The following RAB28 variants were observed in gnomAD, a reference collection of about 807,000 sequenced individuals.
RAB28 encodes ras-related protein Rab-28.
In RAB28, 24 loss-of-function variants were observed where a neutral mutation model predicts 31.7. The ratio of observed to expected loss-of-function variants is 0.76; its 90% CI spans 0.55 to 1.06. The LOEUF is 1.06. Ranked by LOEUF, RAB28 falls within the 50% of genes least tolerant of loss-of-function variation. RAB28 has a pLI of 0.00. For missense variants in RAB28, 254 were observed against 258.5 expected (o/e 0.98, Z 0.12); for synonymous variants, 100 against 90.4 (o/e 1.11, Z -0.60).
intron 5 of RAB28, among the ~76,000 whole-genome samples, chr4:13,379,239 T>C (rs948507893): frequency 1.7e-5 from 2 of 118,934 alleles, no homozygotes; most frequent in African/African-American, 3.2e-5. Flanking sequence ...GTCACCTAGG[T>C]GAGGGGAAGA....
chr4:13,397,359 A>G (rs952912654), intron 4 of RAB28, among the ~76,000 whole-genome samples: 3 of 152,180 alleles, frequency 2.0e-5, no homozygotes, highest in African/African-American at 7.2e-5. Context: ...TGAAGGTAGA[A>G]GGAGATGGAT....
intron 4 of RAB28, among the ~76,000 whole-genome samples, chr4:13,419,966 G>C (rs1408828557): frequency 6.6e-6 from 1 of 151,872 alleles, no homozygotes; most frequent in Non-Finnish European, 1.5e-5. Flanking sequence ...ATGAATCCAG[G>C]AGCTGGTTTT....
chr4:13,375,687 A>T (rs1186514504), intron 6 of RAB28, among the ~76,000 whole-genome samples: 1 of 152,192 alleles, frequency 6.6e-6, no homozygotes, highest in Non-Finnish European at 1.5e-5. Context: ...GCAAACTTTT[A>T]GAGTTTCAAA....
intron 3 of RAB28, among the ~76,000 whole-genome samples, chr4:13,467,953 T>G (rs1410644791): frequency 6.6e-6 from 1 of 151,806 alleles, no homozygotes; most frequent in Non-Finnish European, 1.5e-5. Flanking sequence ...AAAACATTAA[T>G]GAAAAGAAAG....
chr4:13,419,446 C>T (rs1712988894), intron 4 of RAB28, among the ~76,000 whole-genome samples: 1 of 152,184 alleles, frequency 6.6e-6, no homozygotes, highest in South Asian at 2.1e-4. Flanking sequence ...ACAGAATATA[C>T]ATTCTTCTCA....
intron 4 of RAB28, among the ~76,000 whole-genome samples, chr4:13,388,070 T>C (rs1013247135): frequency 6.6e-6 from 1 of 152,044 alleles, no homozygotes; most frequent in Non-Finnish European, 1.5e-5. Flanking sequence ...ACAAACGTGG[T>C]GTTATTCTAA....
chr4:13,422,449 C>A lies in RAB28; in HGVS notation c.391+38250G>T, dbSNP rs376725091. On this transcript the variant is annotated intron_variant, in intron 4 of 6. Coordinates refer to ENST00000330852, the MANE Select transcript of RAB28 (RefSeq NM_001017979.3). ...TGCTACTATAAAGACACATGCACAC[C>A]TATGTTTATTGCGGCACTATTCACA... is the stretch of plus-strand genomic sequence containing the variant. 2.6e-4 allele frequency among the ~76,000 whole-genome samples: 40 copies of A among 152,286 alleles called. No homozygotes were observed. The East Asian group carries it at 7.3e-3, about 28-fold the overall frequency.
At chr4:13,412,441 A>G (rs1467935989) in intron 4 of RAB28, among the ~76,000 whole-genome samples, 1 of 151,458 alleles carries the variant, frequency 6.6e-6, no homozygotes, top group African/African-American at 2.4e-5. Flanking sequence ...ATTAAAATAT[A>G]TATTCTCACA....
At chr4:13,427,681 T>C (rs183407717) in intron 4 of RAB28, among the ~76,000 whole-genome samples, 84 of 152,152 alleles carry the variant, frequency 5.5e-4, no homozygotes, top group Middle Eastern at 3.4e-3. Flanking sequence ...CTCCATGAGA[T>C]TGAGCAAATA....
chr4:13,400,751 C>T (rs1455070462), intron 4 of RAB28, among the ~76,000 whole-genome samples: 1 of 152,084 alleles, frequency 6.6e-6, no homozygotes, highest in Non-Finnish European at 1.5e-5. Flanking sequence ...TTTCTCATTC[C>T]TGATTTGCTG....
At chr4:13,381,881 T>C (rs1172601150) in intron 4 of RAB28, among the ~76,000 whole-genome samples, 1 of 152,184 alleles carries the variant, frequency 6.6e-6, no homozygotes, top group Non-Finnish European at 1.5e-5. Context: ...TCATTATTAT[T>C]ATCATCTGTA....
At chr4:13,415,682 C>T (rs1712729858) in intron 4 of RAB28, among the ~76,000 whole-genome samples, 1 of 152,188 alleles carries the variant, frequency 6.6e-6, no homozygotes, top group Non-Finnish European at 1.5e-5. Flanking sequence ...CCCTGGGCTC[C>T]TGTGTGGCCC....
At chr4:13,385,416 T>C (rs1309612456) in intron 4 of RAB28, among the ~76,000 whole-genome samples, 6 of 151,824 alleles carry the variant, frequency 4.0e-5, no homozygotes, top group East Asian at 1.9e-4. Context: ...TCCTCCAAGG[T>C]TGAAATAAAA....
In RAB28 at chr4:13,460,822, G is replaced by GGACT. The variant is rs1560141472; in HGVS notation, c.264_267dup (p.Leu90SerfsTer6). The GGACT allele has an allele frequency of 5.0e-6, 8 of 1,610,404 alleles. No individual in the cohort carries two copies. Among genetic ancestry groups the GGACT allele is most frequent in the Non-Finnish European group, 6.8e-6 (8 of 1,178,144 alleles). On this transcript the variant is annotated frameshift_variant, in exon 4 of 7. Transcript: ENST00000330852. LOFTEE classifies it high-confidence loss of function. ...TAATTTGTAATATCATATACCAAGA[G>GGACT]GACTCCCTGTCACAAAAGAGTTACA...
intron 4 of RAB28, among the ~76,000 whole-genome samples, chr4:13,413,432 T>C (rs2108911738): frequency 6.6e-6 from 1 of 152,332 alleles, no homozygotes; most frequent in East Asian, 1.9e-4. Flanking sequence ...CCAAGAATAT[T>C]TCTGCACATG....
chr4:13,377,995 T>C (rs1464836973), intron 5 of RAB28, among the ~76,000 whole-genome samples: 5 of 152,140 alleles, frequency 3.3e-5, no homozygotes, highest in Admixed American at 6.5e-5. Flanking sequence ...AAGAGCTCAG[T>C]TCTAAACATG....
At chr4:13,436,517 A>G (rs1714118822) in intron 4 of RAB28, among the ~76,000 whole-genome samples, 3 of 152,202 alleles carry the variant, frequency 2.0e-5, no homozygotes, top group Admixed American at 1.3e-4. Context: ...GTTTCAGGAT[A>G]CAAAATCAAT....
At chr4:13,470,758 A>G (rs1346273680) in intron 3 of RAB28, among the ~76,000 whole-genome samples, 1 of 152,104 alleles carries the variant, frequency 6.6e-6, no homozygotes, top group Non-Finnish European at 1.5e-5. Context: ...TTTTTAAGTT[A>G]ATTTAAAATC....
At chr4:13,447,121 G>T (rs1269708430) in intron 4 of RAB28, among the ~76,000 whole-genome samples, 14 of 151,862 alleles carry the variant, frequency 9.2e-5, no homozygotes, top group Admixed American at 9.2e-4. Context: ...TATCACTCTG[G>T]TCCATGCCAC....
Sources: gnomAD v4.1 joint callset for allele counts (sites outside exome capture counted in the v4.1 genomes callset) on GRCh38, gnomAD v4.1.1 for gene constraint, MANE v1.5 for transcripts, NCBI Gene and HGNC (gene_info 2026-07-23, HGNC 2026-07-21) for gene names.